FRMD4A: variants seen among roughly 807,000 people sequenced by gnomAD.
FRMD4A encodes FERM domain-containing protein 4A.
A neutral mutation model predicts 129.1 loss-of-function variants in FRMD4A; 29 were observed. The ratio of observed to expected loss-of-function variants is 0.22; its 90% CI spans 0.17 to 0.31. The LOEUF is 0.31. FRMD4A is among the 10% of genes least tolerant of loss of function. FRMD4A has a pLI of 1.00. For missense variants in FRMD4A, 1,272 were observed against 1,375.8 expected (o/e 0.92, Z 1.19); for synonymous variants, 634 against 571.6 (o/e 1.11, Z -1.56).
At chr10:14,253,160 G>C (rs1383961407) in intron 2 of FRMD4A, among the ~76,000 whole-genome samples, 1 of 152,172 alleles carries the variant, frequency 6.6e-6, no homozygotes, top group Non-Finnish European at 1.5e-5. Flanking sequence ...CAGAGATTTT[G>C]CTTATGTTAA....
chr10:13,728,573 C>CTTTTTTTTTTTTTTTTT (rs10706168), intron 12 of FRMD4A, among the ~76,000 whole-genome samples: 1,702 of 78,200 alleles, frequency 0.022, 358 homozygotes, highest in Admixed American at 0.024. Flanking sequence ...GATTACCATT[C>CTTTTTTTTTTTTTTTTT]TTTTTTTTTT....
Position 13,777,036 on chromosome 10 carries a change from C to A in FRMD4A, c.384+5886G>T, listed in dbSNP as rs139716682. Among the ~76,000 whole-genome samples the A allele has an allele frequency of 3.5e-4, 54 of 152,332 alleles. No individual in the cohort carries two copies. The East Asian group carries it at 8.3e-3, about 23-fold the overall frequency. ...GTTAGAGCCTTATAACATCCTTGCT[C>A]AATTAGAGAGGAAAGGGAAGCTTGG... is the stretch of plus-strand genomic sequence containing the variant. On this transcript the variant is annotated intron_variant, in intron 6 of 24. Transcript: ENST00000357447.
chr10:14,101,629 G>T (rs1259451332), intron 2 of FRMD4A, among the ~76,000 whole-genome samples: 1 of 152,126 alleles, frequency 6.6e-6, no homozygotes, highest in Non-Finnish European at 1.5e-5. Flanking sequence ...TTGATGACAC[G>T]TTCTACTTAT....
chr10:14,301,736 C>G (rs1182009702), intron 2 of FRMD4A, among the ~76,000 whole-genome samples: 3 of 152,084 alleles, frequency 2.0e-5, no homozygotes, highest in East Asian at 1.9e-4. Flanking sequence ...AATGTCATGG[C>G]AGGCTTCAGA....
At chr10:13,890,879 A>G in intron 2 of FRMD4A, 1 of 984,610 alleles carries the variant, frequency 1.0e-6, no homozygotes, top group Non-Finnish European at 1.2e-6. Flanking sequence ...CATCCCTTGG[A>G]AATTTCGCAG....
intron 2 of FRMD4A, among the ~76,000 whole-genome samples, chr10:14,306,117 C>A (rs1164340292): frequency 6.6e-6 from 1 of 152,106 alleles, no homozygotes; most frequent in African/African-American, 2.4e-5. Flanking sequence ...TGCACATGCA[C>A]CCCTGAACTT....
rs549188018 is a variant in FRMD4A, at chr10:13,651,897, C to T, written c.*2+6G>A. On this transcript the variant is annotated splice_donor_region_variant and intron_variant, in intron 24 of 24. Transcript: ENST00000357447. Reference sequence around the variant, plus strand: ...GGCAGTAGGAACAAAACTCCCCTTACGGTACCTCTATTCATCAGTACTTTG... The same window carrying T: ...GGCAGTAGGAACAAAACTCCCCTTATGGTACCTCTATTCATCAGTACTTTG... The T allele has an allele frequency of 9.4e-6, 14 of 1,484,776 alleles. No homozygotes were observed. Among genetic ancestry groups the T allele is most frequent in the African/African-American group, 4.1e-5 (3 of 72,928 alleles). 92.0% of individuals were successfully genotyped at this position (1,484,776 alleles called of 1,614,324 possible). A position where few individuals can be genotyped will look rare whatever the true frequency, so the allele number is the denominator to read the frequency against.
intron 2 of FRMD4A, among the ~76,000 whole-genome samples, chr10:14,184,568 T>G (rs1842022142): frequency 6.6e-6 from 1 of 152,150 alleles, no homozygotes; most frequent in Admixed American, 6.5e-5. Context: ...TAAGGGAATT[T>G]GTTTGCTCAA....
chr10:14,211,602 A>G (rs569025615), intron 2 of FRMD4A, among the ~76,000 whole-genome samples: 18 of 152,264 alleles, frequency 1.2e-4, no homozygotes, highest in Admixed American at 1.1e-3. Context: ...TAAGATCTTT[A>G]GGGTCAAAGA....
rs150569976 is a variant in FRMD4A, at chr10:14,077,745, T to C, written c.46-218833A>G. Among the ~76,000 whole-genome samples the C allele has an allele frequency of 3.6e-4, 55 of 152,330 alleles. 1 individual carries two copies. The East Asian group carries it at 0.01, about 29-fold the overall frequency. On this transcript the variant is annotated intron_variant, in intron 2 of 24. Transcript: ENST00000357447. ...AGTTTTAGAAGGAAATCTGTTTGAATTGTGGCTTGATGTCTAATGCTTGGA... is the reference window on the plus strand; with the variant it reads ...AGTTTTAGAAGGAAATCTGTTTGAACTGTGGCTTGATGTCTAATGCTTGGA...
intron 2 of FRMD4A, among the ~76,000 whole-genome samples, chr10:14,286,904 T>C (rs557180020): frequency 1.4e-4 from 22 of 152,190 alleles, no homozygotes; most frequent in South Asian, 1.2e-3. Flanking sequence ...TCGTTGCCCC[T>C]GCTGCTGAGG....
At chr10:13,822,432 G>A (rs1375559558) in intron 3 of FRMD4A, among the ~76,000 whole-genome samples, 1 of 152,202 alleles carries the variant, frequency 6.6e-6, no homozygotes, top group Non-Finnish European at 1.5e-5. Flanking sequence ...GTTCCTGGAA[G>A]GGAGGGATCA....
chr10:13,912,837 G>A (rs2094957591), intron 2 of FRMD4A, among the ~76,000 whole-genome samples: 1 of 152,076 alleles, frequency 6.6e-6, no homozygotes, highest in Non-Finnish European at 1.5e-5. Flanking sequence ...AGTTTGGGAG[G>A]CTGAGGCGGG....
intron 2 of FRMD4A, among the ~76,000 whole-genome samples, chr10:14,284,787 A>G (rs1361126386): frequency 1.3e-5 from 2 of 152,172 alleles, no homozygotes; most frequent in African/African-American, 4.8e-5. Flanking sequence ...ATATGCTTCT[A>G]TGGTTGTAAT....
chr10:14,105,128 C>T (rs1288678035), intron 2 of FRMD4A, among the ~76,000 whole-genome samples: 1 of 152,180 alleles, frequency 6.6e-6, no homozygotes, highest in African/African-American at 2.4e-5. Flanking sequence ...TGGAGCCAAG[C>T]CTGGACCATA....
At chr10:14,292,619 GA>G (rs1185897902) in intron 2 of FRMD4A, among the ~76,000 whole-genome samples, 9 of 152,168 alleles carry the variant, frequency 5.9e-5, no homozygotes, top group Non-Finnish European at 1.3e-4. Flanking sequence ...CTAACATGGT[GA>G]AACCCTGTCT....
intron 2 of FRMD4A, among the ~76,000 whole-genome samples, chr10:14,201,584 T>C (rs1280730331): frequency 6.6e-6 from 1 of 152,200 alleles, no homozygotes; most frequent in Non-Finnish European, 1.5e-5. Context: ...TTTTTCATAA[T>C]GTCCAGCAAA....
chr10:14,107,521 T>C (rs1416071940), intron 2 of FRMD4A, among the ~76,000 whole-genome samples: 2 of 152,224 alleles, frequency 1.3e-5, no homozygotes, highest in Admixed American at 1.3e-4. Flanking sequence ...TCTAAATCTC[T>C]GAGACAAGAT....
intron 21 of FRMD4A, among the ~76,000 whole-genome samples, chr10:13,657,874 C>T (rs2082308781): frequency 6.6e-6 from 1 of 150,772 alleles, no homozygotes; most frequent in Admixed American, 6.6e-5. Flanking sequence ...GGGCTGGGCA[C>T]TGTGGTCCAC....
Sources: allele counts gnomAD v4.1 joint callset (sites outside exome capture counted in the v4.1 genomes callset), GRCh38; gene constraint gnomAD v4.1.1; transcripts MANE v1.5; gene names NCBI Gene and HGNC (gene_info 2026-07-23, HGNC 2026-07-21).